The following ZNF398 variants were observed in gnomAD, a reference collection of about 807,000 sequenced individuals.
ZNF398 encodes zinc finger protein 398, also known as zinc finger DNA binding protein ZER6.
In ZNF398, 18 loss-of-function variants were observed where a neutral mutation model predicts 41.9. That is an observed-to-expected ratio of 0.43 (90% CI 0.30 to 0.64). The LOEUF is 0.64. Among genes scored for constraint, ZNF398 ranks in the 30% least tolerant of loss-of-function variants. ZNF398 has a pLI of 0.14. For synonymous variants in ZNF398, 260 were observed against 308.8 expected, an observed-to-expected ratio of 0.84 and a Z score of 1.66; for missense variants, 669 against 822.8, an observed-to-expected ratio of 0.81 and a Z score of 2.29.
In ZNF398 at chr7:149,132,195, T is replaced by C. The variant is rs1209772212; in HGVS notation, c.-490+3251T>C. Among the ~76,000 whole-genome samples the C allele has an allele frequency of 8.6e-4, 5 of 5,816 alleles. No homozygotes were observed. The Admixed American group carries it at 0.011, about 13-fold the overall frequency. The allele number at this position is 5,816 out of a possible 152,430, so 3.8% of individuals were successfully genotyped here. A position where few individuals can be genotyped will look rare whatever the true frequency, so the allele number is the denominator to read the frequency against. ...CCGACTTCCTTATATTCTCTCTCTC[T>C]TTTTTTTTTTTTTTTTTGAGACAGA... On this transcript the variant is annotated intron_variant, in intron 2 of 6. Coordinates refer to the ZNF398 transcript ENST00000426851.
At chr7:149,126,409 G>A, upstream of ZNF398, 1 of 1,092,018 alleles carries the variant, frequency 9.2e-7, no homozygotes, top group Admixed American at 3.3e-5. Context: ...GGCGCCGCCA[G>A]AGGGAGTCGG....
intron 4 of ZNF398, among the ~76,000 whole-genome samples, chr7:149,168,011 AT>A (rs748378184): frequency 3.3e-5 from 5 of 152,150 alleles, no homozygotes; most frequent in Non-Finnish European, 7.4e-5. Context: ...TGCCACTAAC[AT>A]TATACCATCC....
intron 2 of ZNF398, among the ~76,000 whole-genome samples, chr7:149,139,554 C>G (rs1036794072): frequency 5.3e-5 from 8 of 151,484 alleles, no homozygotes; most frequent in African/African-American, 1.2e-4. Context: ...AACTCCGTCT[C>G]CACTAAAAAT....
In ZNF398 at chr7:149,171,010, A is replaced by ATTT. The variant is rs71192761; in HGVS notation, c.661+4097_661+4099dup. ...AGGCACGTGCCACCACGCCCGGCTAATTTTTTTTTTTTTTTTTTTAGAAGA... is the reference window on the plus strand; with the variant it reads ...AGGCACGTGCCACCACGCCCGGCTAATTTTTTTTTTTTTTTTTTTTTTAGAAGA... On this transcript the variant is annotated intron_variant, in intron 4 of 5. Coordinates refer to ENST00000475153, the MANE Select transcript of ZNF398 (RefSeq NM_170686.3). Among the ~76,000 whole-genome samples, 98 of 137,276 alleles carry ATTT rather than the reference A, an allele frequency of 7.1e-4. 1 individual carries two copies. Among genetic ancestry groups the ATTT allele is most frequent in the Non-Finnish European group, 1.1e-3 (68 of 64,660 alleles). The allele number at this position is 137,276 out of a possible 152,430, so 90.1% of individuals were successfully genotyped here.
chr7:149,167,023 C>A, intron 4 of ZNF398, 93 bp downstream of exon 4: 1 of 792,092 alleles, frequency 1.3e-6, no homozygotes, highest in Non-Finnish European at 2.0e-6. Flanking sequence ...CTTCTAGAGC[C>A]ATTCATTGCT....
In ZNF398 at chr7:149,179,026, T is replaced by G; in HGVS notation, c.1154T>G (p.Leu385Arg). The change falls in exon 6 of 6, where the codon CTC becomes CGC. Residue 385 changes from leucine (L) to arginine (R), a missense_variant. Around this residue, in one of 3 missense-constraint regions of ZNF398, gnomAD observed 290 missense variants for 292.9 expected, o/e 0.99. Transcript: ENST00000475153. The surrounding 1 kb of genome is among the most constrained non-coding windows in gnomAD (Gnocchi z 6.1). ...AAGCACTTTACTCCACAGGCGGACC[T>G]CAGCAGCACCTCCCAGGACCATGCC... ...CPKHFTPQADLSSTSQDHASE... is the reference protein window; with the variant it reads ...CPKHFTPQADRSSTSQDHASE... 1.2e-6 allele frequency: 2 copies of G among 1,613,978 alleles called. No individual in the cohort carries two copies. Among genetic ancestry groups the G allele is most frequent in the Non-Finnish European group, 1.7e-6 (2 of 1,179,994 alleles).
At chr7:149,157,104 T>G (rs920354776) in intron 2 of ZNF398, among the ~76,000 whole-genome samples, 1 of 152,062 alleles carries the variant, frequency 6.6e-6, no homozygotes, top group African/African-American at 2.4e-5. Flanking sequence ...GTAGATGGTG[T>G]TGGAGTTTCC....
exon 1 of ZNF398, chr7:149,126,460 A>G: frequency 3.3e-6 from 2 of 612,230 alleles, no homozygotes; most frequent in Admixed American, 3.6e-5. Context: ...TGCGGGCCGC[A>G]GCACGCCGGT....
At chr7:149,139,298 A>G (rs1826775414) in intron 2 of ZNF398, among the ~76,000 whole-genome samples, 1 of 151,762 alleles carries the variant, frequency 6.6e-6, no homozygotes, top group South Asian at 2.1e-4. Context: ...GGCTCAAGTG[A>G]TTCTCTCATC....
chr7:149,167,006 T>A, intron 4 of ZNF398, 76 bp downstream of exon 4: 1 of 1,007,636 alleles, frequency 9.9e-7, no homozygotes, highest in Non-Finnish European at 1.5e-6. Context: ...TAAGCAGGGC[T>A]TAGGGGCTTC....
chr7:149,157,707 G>T (rs763179677), intron 2 of ZNF398, among the ~76,000 whole-genome samples: 2 of 151,894 alleles, frequency 1.3e-5, no homozygotes, highest in African/African-American at 4.8e-5. Context: ...GCGTGGTGGC[G>T]CTCGCCTGTA....
chr7:149,133,119 CTT>C (rs146675534), intron 2 of ZNF398, among the ~76,000 whole-genome samples: 1 of 143,396 alleles, frequency 7.0e-6, no homozygotes, highest in Non-Finnish European at 1.5e-5. Context: ...ATCAGTAAGG[CTT>C]TTTTTTTTTT....
Position 149,179,140 on chromosome 7 carries a change from C to A in ZNF398, c.1268C>A (p.Thr423Asn), listed in dbSNP as rs1282929229. 1.2e-6 allele frequency: 2 copies of A among 1,614,078 alleles called. No individual in the cohort carries two copies. The highest frequency in any genetic ancestry group is 1.7e-6 in the Non-Finnish European group (2 of 1,180,030). The change falls in exon 6 of 6, where the codon ACT (threonine) becomes AAT (asparagine). Residue 423 changes from threonine to asparagine, a missense_variant. Physicochemically the swap from Thr to Asn is moderately conservative, Grantham distance 65 (BLOSUM62 0). Around this residue, in one of 3 missense-constraint regions of ZNF398, gnomAD observed 290 missense variants for 292.9 expected, o/e 0.99. Coordinates refer to ENST00000475153, the MANE Select transcript of ZNF398 (RefSeq NM_170686.3). This position sits in a 1 kb window ranked among gnomAD's most constrained non-coding sequence, Gnocchi z 6.1. Reference protein sequence around the residue: ...LTYHLRVHNSTERPFPCPDCP... With the variant: ...LTYHLRVHNSNERPFPCPDCP... ...TACCATCTTCGGGTCCATAACAGCACTGAGCGTCCTTTCCCCTGTCCTGAT... is the reference window on the plus strand; with the variant it reads ...TACCATCTTCGGGTCCATAACAGCAATGAGCGTCCTTTCCCCTGTCCTGAT...
intron 2 of ZNF398, among the ~76,000 whole-genome samples, chr7:149,131,007 T>A (rs1273842283): frequency 1.3e-5 from 2 of 152,178 alleles, no homozygotes; most frequent in Admixed American, 1.3e-4. Context: ...TTGTCCAAAT[T>A]CAGTGATCCT....
At chr7:149,176,659 T>A in intron 5 of ZNF398, 78 bp downstream of exon 5, 3 of 893,300 alleles carry the variant, frequency 3.4e-6, no homozygotes, top group Non-Finnish European at 5.1e-6. Flanking sequence ...GCAGGTGAAA[T>A]TTGTAGAGGC....
intron 1 of ZNF398, among the ~76,000 whole-genome samples, chr7:149,150,872 C>G (rs923101052): frequency 1.3e-5 from 2 of 152,036 alleles, no homozygotes; most frequent in Non-Finnish European, 2.9e-5. Context: ...CCACACCCAG[C>G]TAATTTTTGT....
chr7:149,144,614 G>A (rs1826894755), upstream of ZNF398, among the ~76,000 whole-genome samples: 1 of 150,794 alleles, frequency 6.6e-6, no homozygotes, highest in African/African-American at 2.4e-5. Flanking sequence ...TTGAGATGGA[G>A]TTTCACTCTT....
chr7:149,181,658 A>G lies in ZNF398; in HGVS notation c.*1857A>G, dbSNP rs1183705518. The stretch of plus-strand genomic sequence containing the variant: ...ATCACACTTAGAAAACATCTGCTCC[A>G]TGACATTCACAATACCAGGGACCAT... On this transcript the variant is annotated 3_prime_UTR_variant, in exon 6 of 6. Transcript: ENST00000475153. 2 of 152,210 alleles carry G rather than the reference A, an allele frequency of 1.3e-5. No homozygotes were observed. Among genetic ancestry groups the G allele is most frequent in the Non-Finnish European group, 2.9e-5 (2 of 68,046 alleles). The allele number at this position is 152,210 out of a possible 1,614,324, so 9.4% of individuals were successfully genotyped here.
chr7:149,160,938 G>A (rs1795094914), intron 2 of ZNF398, among the ~76,000 whole-genome samples: 1 of 152,076 alleles, frequency 6.6e-6, no homozygotes, highest in Non-Finnish European at 1.5e-5. Context: ...TAGAGTGGGG[G>A]CGGGCTGCTG....
Sources: gnomAD v4.1 joint callset for allele counts (sites outside exome capture counted in the v4.1 genomes callset) on GRCh38, gnomAD v4.1.1 for gene constraint, gnomAD v4.1.1 regional missense constraint, Gnocchi (gnomAD v3.1) non-coding constraint, MANE v1.5 for transcripts, NCBI Gene and HGNC (gene_info 2026-07-23, HGNC 2026-07-21) for gene names.